The following MEF2A variants were observed in gnomAD, a reference collection of about 807,000 sequenced individuals.
The protein encoded by MEF2A is myocyte enhancer factor 2A, also known as myocyte-specific enhancer factor 2A.
A neutral mutation model predicts 55.8 loss-of-function variants in MEF2A; 28 were observed. That is an observed-to-expected ratio of 0.50 (90% CI 0.37 to 0.69). The LOEUF is 0.69. Ranked by LOEUF, MEF2A falls within the 30% of genes least tolerant of loss-of-function variation. MEF2A has a pLI of 0.00. For missense variants in MEF2A, 528 were observed against 626.2 expected (o/e 0.84, Z 1.67); for synonymous variants, 239 against 227.1 (o/e 1.05, Z -0.47).
intron 7 of MEF2A, among the ~76,000 whole-genome samples, chr15:99,679,834 T>C (rs1212529005): frequency 1.3e-5 from 2 of 152,220 alleles, no homozygotes; most frequent in East Asian, 3.8e-4. Context: ...TAACAACAAA[T>C]ATAAAGGCAC....
intron 1 of MEF2A, among the ~76,000 whole-genome samples, chr15:99,577,392 T>G (rs1028310054): frequency 1.3e-5 from 1 of 77,664 alleles, no homozygotes; most frequent in East Asian, 4.7e-4. Flanking sequence ...TTCAGTCCAC[T>G]GGGCTAGGTG....
chr15:99,671,209 C>A (rs2153628630), intron 4 of MEF2A, 114 bp from the exon 5 acceptor site: 2 of 1,096,634 alleles, frequency 1.8e-6, no homozygotes, highest in East Asian at 4.8e-5. Context: ...GAAACCGTTT[C>A]AGTGGCTCTT....
chr15:99,607,694 T>A (rs1331712716), intron 2 of MEF2A, among the ~76,000 whole-genome samples: 2 of 152,204 alleles, frequency 1.3e-5, no homozygotes, highest in African/African-American at 4.8e-5. Context: ...AGGATTAGAA[T>A]CTCATTTTCA....
chr15:99,634,032 T>C (rs1277818577), intron 3 of MEF2A, among the ~76,000 whole-genome samples: 1 of 152,212 alleles, frequency 6.6e-6, no homozygotes, highest in Non-Finnish European at 1.5e-5. Context: ...AAAAATAATT[T>C]CATAGCATAT....
chr15:99,712,266 T>C lies in MEF2A; in HGVS notation c.1137-124T>C. 2 of 1,425,944 alleles carry C rather than the reference T, an allele frequency of 1.4e-6. No homozygotes were observed. Among genetic ancestry groups the C allele is most frequent in the South Asian group, 3.1e-5 (2 of 64,320 alleles). 88.3% of individuals were successfully genotyped at this position (1,425,944 alleles called of 1,614,324 possible). A position where few individuals can be genotyped will look rare whatever the true frequency, so the allele number is the denominator to read the frequency against. Reference sequence around the variant, plus strand: ...TGAAGGAAACGACCCAAACCAGTCTTGGGGAACTCTGATAAGATTTCAGAC... The same window carrying C: ...TGAAGGAAACGACCCAAACCAGTCTCGGGGAACTCTGATAAGATTTCAGAC... On this transcript the variant is annotated intron_variant, in intron 11 of 11. Transcript: ENST00000557942. This position sits in a 1 kb window ranked among gnomAD's most constrained non-coding sequence, Gnocchi z 4.1.
rs955601618 is a variant in MEF2A, at chr15:99,612,133, G to A, written c.-143+13622G>A. 4.6e-5 allele frequency among the ~76,000 whole-genome samples: 7 copies of A among 151,920 alleles called. No homozygotes were observed. The South Asian group carries it at 6.2e-4, about 14-fold the overall frequency. On this transcript the variant is annotated intron_variant, in intron 2 of 11. Coordinates refer to ENST00000557942, the MANE Select transcript of MEF2A (RefSeq NM_001319206.4). Reference sequence around the variant, plus strand: ...TGAATACGATTTTTAGAAAAACACCGGGCCGGGGGCAGTGGCTCACACCTG... The same window carrying A: ...TGAATACGATTTTTAGAAAAACACCAGGCCGGGGGCAGTGGCTCACACCTG...
rs1484362205 is a variant in MEF2A at position 99,713,046 on chromosome 15, T to C, written c.*275T>C. 3 of 487,060 alleles carry C rather than the reference T, an allele frequency of 6.2e-6. No individual in the cohort carries two copies. Among genetic ancestry groups the C allele is most frequent in the South Asian group, 4.7e-5 (1 of 21,314 alleles). 30.2% of individuals were successfully genotyped at this position (487,060 alleles called of 1,614,324 possible). On this transcript the variant is annotated 3_prime_UTR_variant, in exon 12 of 12. Coordinates refer to ENST00000557942, the MANE Select transcript of MEF2A (RefSeq NM_001319206.4). ...AGGCACAGACAAGTCTGGCACTTCC[T>C]TGGACTACTTGTTTCGTAAAGATAA...
chr15:99,663,153 A>G (rs895194221), intron 4 of MEF2A, among the ~76,000 whole-genome samples: 6 of 152,094 alleles, frequency 3.9e-5, no homozygotes, highest in African/African-American at 1.2e-4. Context: ...CCAGCAGTAT[A>G]GGCTCTTCGA....
chr15:99,568,275 A>G lies in MEF2A; in HGVS notation c.-225+2171A>G, dbSNP rs143268646. ...CCATGTTGAATTATGGTTTGAGAAT[A>G]ATTTCCTTCTGTATTCTTAGAGTTT... On this transcript the variant is annotated intron_variant, in intron 1 of 11. Transcript: ENST00000557942. Among the ~76,000 whole-genome samples the G allele has an allele frequency of 1.9e-3, 284 of 152,316 alleles. 11 individuals are homozygous for G. Among genetic ancestry groups the G allele is most frequent in the Non-Finnish European group, 1.2e-3 (84 of 68,016 alleles).
At chr15:99,588,960 T>C (rs2152943958) in intron 1 of MEF2A, among the ~76,000 whole-genome samples, 1 of 152,324 alleles carries the variant, frequency 6.6e-6, no homozygotes, top group Non-Finnish European at 1.5e-5. Flanking sequence ...GGATTTGACC[T>C]GCTAATATTT....
At chr15:99,695,541 T>TTGTGTGTGTGTGTGTGTG (rs3979129) in intron 8 of MEF2A, among the ~76,000 whole-genome samples, 4,012 of 144,814 alleles carry the variant, frequency 0.028, 101 homozygotes, top group South Asian at 0.052. Context: ...ATTGTCAGAT[T>TTGTGTGTGTGTGTGTGTG]TGTGTGTGTG....
chr15:99,568,330 T>A (rs1438114559), intron 1 of MEF2A, among the ~76,000 whole-genome samples: 4 of 152,072 alleles, frequency 2.6e-5, no homozygotes, highest in Non-Finnish European at 4.4e-5. Context: ...TGACAAGGAT[T>A]TTTTTTTGTA....
chr15:99,708,895 A>G (rs768507499), intron 10 of MEF2A, among the ~76,000 whole-genome samples: 3 of 152,114 alleles, frequency 2.0e-5, no homozygotes, highest in Non-Finnish European at 4.4e-5. Context: ...GGCTGAAGGA[A>G]TGGGGACAGA....
At chr15:99,624,793 A>C (rs142681389) in intron 2 of MEF2A, among the ~76,000 whole-genome samples, 2 of 152,342 alleles carry the variant, frequency 1.3e-5, no homozygotes, top group African/African-American at 4.8e-5. Context: ...TCTTGAATCT[A>C]TTAATATAAA....
intron 3 of MEF2A, among the ~76,000 whole-genome samples, chr15:99,644,676 A>G (rs67381509): frequency 0.072 from 10,963 of 152,280 alleles, 466 homozygotes; most frequent in East Asian, 0.17. Context: ...ATTCTTACTG[A>G]CCTTTCAAAA....
chr15:99,583,580 G>T (rs1328157380), intron 1 of MEF2A, among the ~76,000 whole-genome samples: 1 of 152,052 alleles, frequency 6.6e-6, no homozygotes, highest in Non-Finnish European at 1.5e-5. Context: ...GCCTGAGAAG[G>T]AATACTGGGA....
intron 1 of MEF2A, among the ~76,000 whole-genome samples, chr15:99,597,966 T>TA (rs1376208094): frequency 1.3e-5 from 2 of 152,214 alleles, no homozygotes; most frequent in Admixed American, 1.3e-4. Context: ...TGTATTGAAA[T>TA]ACAGGTATAT....
intron 1 of MEF2A, among the ~76,000 whole-genome samples, chr15:99,590,675 G>T (rs1968962085): frequency 6.6e-6 from 1 of 151,074 alleles, no homozygotes; most frequent in Admixed American, 6.6e-5. Flanking sequence ...AGTTGCCGTA[G>T]GGTTTTACAA....
intron 2 of MEF2A, among the ~76,000 whole-genome samples, chr15:99,606,235 A>G (rs1466389975): frequency 6.6e-6 from 1 of 152,166 alleles, no homozygotes; most frequent in Non-Finnish European, 1.5e-5. Context: ...ACCATATGCA[A>G]ACATCAGTTT....
Sources: gnomAD v4.1 joint callset for allele counts (sites outside exome capture counted in the v4.1 genomes callset) on GRCh38, gnomAD v4.1.1 for gene constraint, Gnocchi (gnomAD v3.1) non-coding constraint, MANE v1.5 for transcripts, NCBI Gene and HGNC (gene_info 2026-07-23, HGNC 2026-07-21) for gene names.